ZNF578: variants seen among roughly 807,000 people sequenced by gnomAD.
The protein encoded by ZNF578 is zinc finger protein 578.
In ZNF578, 8 loss-of-function variants were observed where a neutral mutation model predicts 8.3. The ratio of observed to expected loss-of-function variants is 0.96; its 90% CI spans 0.56 to 1.74. The LOEUF (loss-of-function observed/expected upper bound fraction) is 1.74. Among genes scored for constraint, ZNF578 ranks in the 40% most tolerant of loss-of-function variants. The pLI, the probability that ZNF578 is intolerant of heterozygous loss-of-function variation, is 0.00. For synonymous variants in ZNF578, 206 were observed against 232.2 expected (o/e 0.89, Z 1.03); for missense variants, 726 against 707.5 (o/e 1.03, Z -0.30).
At chr19:52,454,378 T>TAA (rs2059232813) in intron 1 of ZNF578, 1 of 152,116 alleles carries the variant, frequency 6.6e-6, no homozygotes, top group Non-Finnish European at 1.5e-5. Context: ...CTGTACCTGG[T>TAA]GTAAGCATCG....
In ZNF578 at chr19:52,483,477, C is replaced by A. The variant is rs142699676; in HGVS notation, c.-121-7847C>A. Among the ~76,000 whole-genome samples, 552 of 152,310 alleles carry A rather than the reference C, an allele frequency of 3.6e-3. 4 individuals are homozygous for A. Among genetic ancestry groups the A allele is most frequent in the African/African-American group, 0.013 (520 of 41,560 alleles). On this transcript the variant is annotated intron_variant, in intron 2 of 5. Coordinates refer to ENST00000421239, the MANE Select transcript of ZNF578 (RefSeq NM_001099694.2). Reference sequence around the variant, plus strand: ...GAGTCCTATTCACGTGTAGTCAACACGCATGACCAAATTCTCTCACAGGCA... The same window carrying A: ...GAGTCCTATTCACGTGTAGTCAACAAGCATGACCAAATTCTCTCACAGGCA...
chr19:52,510,058 T>A (rs972883281), intron 5 of ZNF578, among the ~76,000 whole-genome samples: 5 of 152,078 alleles, frequency 3.3e-5, no homozygotes, highest in African/African-American at 4.8e-5. Flanking sequence ...ATTTTTGTAA[T>A]CTTTTCTTAT....
At chr19:52,462,940 A>G (rs2059263341) in intron 2 of ZNF578, among the ~76,000 whole-genome samples, 1 of 152,122 alleles carries the variant, frequency 6.6e-6, no homozygotes, top group Non-Finnish European at 1.5e-5. Context: ...GTTTTCCTTC[A>G]TGAACATTTA....
chr19:52,492,347 A>G (rs184275240), intron 3 of ZNF578, among the ~76,000 whole-genome samples: 55 of 152,140 alleles, frequency 3.6e-4, no homozygotes, highest in Admixed American at 5.9e-4. Flanking sequence ...GCTGTGTTTA[A>G]GCAGCAGGTG....
At chr19:52,479,370 C>T (rs1027329340) in intron 2 of ZNF578, among the ~76,000 whole-genome samples, 7 of 151,826 alleles carry the variant, frequency 4.6e-5, no homozygotes, top group Non-Finnish European at 7.4e-5. Context: ...CCCATCTCTA[C>T]TAAAAATAGC....
At chr19:52,497,056 C>T (rs112793082) in intron 3 of ZNF578, among the ~76,000 whole-genome samples, 25,426 of 152,066 alleles carry the variant, frequency 0.17, 2,573 homozygotes, top group Non-Finnish European at 0.22. Flanking sequence ...CCTCAGCCTC[C>T]GGAGTAGCTG....
chr19:52,471,116 T>C (rs2122797627), intron 2 of ZNF578, among the ~76,000 whole-genome samples: 1 of 152,306 alleles, frequency 6.6e-6, no homozygotes, highest in East Asian at 1.9e-4. Flanking sequence ...AAGGCCTCCC[T>C]AGAAGTCAGA....
In ZNF578 at chr19:52,510,937, G is replaced by C; in HGVS notation, c.556G>C (p.Asp186His). Residue 186 changes from aspartate (D) to histidine (H), a missense_variant, in exon 6 of 6, where the codon GAT becomes CAT. Coordinates refer to ENST00000421239, the MANE Select transcript of ZNF578 (RefSeq NM_001099694.2). ...TAATCAAGTGGAGAAGTCTGTCAAC[G>C]ATGCTTCCTCAATTTCAACATCCCA... ...IANQVEKSVN[D>H]ASSISTSQRI... 1 of 1,614,188 alleles carries C rather than the reference G, an allele frequency of 6.2e-7. No individual in the cohort carries two copies. Among genetic ancestry groups the C allele is most frequent in the Non-Finnish European group, 8.5e-7 (1 of 1,180,036 alleles).
chr19:52,477,407 C>T (rs1312996641), intron 2 of ZNF578, among the ~76,000 whole-genome samples: 1 of 152,050 alleles, frequency 6.6e-6, no homozygotes, highest in Non-Finnish European at 1.5e-5. Flanking sequence ...GGGTACGATT[C>T]TGATGAAATT....
intron 2 of ZNF578, among the ~76,000 whole-genome samples, chr19:52,461,904 A>T (rs76948691): frequency 6.6e-6 from 1 of 152,188 alleles, no homozygotes; most frequent in African/African-American, 2.4e-5. Flanking sequence ...CTGTACCAAA[A>T]TTGGTCCAAA....
intron 4 of ZNF578, among the ~76,000 whole-genome samples, chr19:52,504,332 C>T (rs540509869): frequency 6.6e-6 from 1 of 151,884 alleles, no homozygotes; most frequent in African/African-American, 2.4e-5. Flanking sequence ...CTCAAATAAT[C>T]TGCCCACCTT....
intron 2 of ZNF578, among the ~76,000 whole-genome samples, chr19:52,470,770 C>G (rs1277509247): frequency 6.6e-6 from 1 of 152,188 alleles, no homozygotes; most frequent in Non-Finnish European, 1.5e-5. Flanking sequence ...CCTTCGGACT[C>G]TGAGGCTTGC....
At chr19:52,509,459 T>C (rs183803818) in intron 5 of ZNF578, among the ~76,000 whole-genome samples, 1 of 152,292 alleles carries the variant, frequency 6.6e-6, no homozygotes, top group Non-Finnish European at 1.5e-5. Context: ...TTTCAGTATG[T>C]GGTATGCAAT....
intron 3 of ZNF578, among the ~76,000 whole-genome samples, chr19:52,492,565 T>G (rs569871581): frequency 1.3e-5 from 2 of 152,290 alleles, no homozygotes; most frequent in African/African-American, 4.8e-5. Flanking sequence ...ACATTTTAGT[T>G]TGCATGCCCG....
At chr19:52,490,002 A>G (rs1347817226) in intron 2 of ZNF578, among the ~76,000 whole-genome samples, 1 of 152,196 alleles carries the variant, frequency 6.6e-6, no homozygotes, top group East Asian at 1.9e-4. Context: ...GAAACATCCT[A>G]TTGGACAATA....
chr19:52,469,379 C>G (rs547827693), intron 2 of ZNF578, among the ~76,000 whole-genome samples: 12 of 152,126 alleles, frequency 7.9e-5, no homozygotes, highest in Admixed American at 5.9e-4. Flanking sequence ...AGGCTGATCT[C>G]GAACTCCCGA....
chr19:52,508,635 A>G (rs60502693), intron 5 of ZNF578, among the ~76,000 whole-genome samples: 2,752 of 151,518 alleles, frequency 0.018, 76 homozygotes, highest in African/African-American at 0.062. Context: ...CATCTCTACT[A>G]AAAATACAAA....
chr19:52,483,862 G>GC (rs1227327156), intron 2 of ZNF578, among the ~76,000 whole-genome samples: 1 of 152,096 alleles, frequency 6.6e-6, no homozygotes, highest in Non-Finnish European at 1.5e-5. Context: ...GGGGTGGCCT[G>GC]CCCCTCCACA....
Position 52,493,926 on chromosome 19 carries a change from G to A in ZNF578, c.-20+2501G>A, listed in dbSNP as rs2059376210. 1.3e-5 allele frequency among the ~76,000 whole-genome samples: 2 copies of A among 149,396 alleles called. 1 individual carries two copies. The highest frequency in any genetic ancestry group is 4.2e-4 in the South Asian group (2 of 4,708). On this transcript the variant is annotated intron_variant, in intron 3 of 5. Coordinates refer to ENST00000421239, the MANE Select transcript of ZNF578 (RefSeq NM_001099694.2). ...AATCGCTTGAACCTGGGAGGCGGAG[G>A]TTGTGGTGAGCCGAGATCTCACCAT...
Sources: gnomAD v4.1 joint callset for allele counts (sites outside exome capture counted in the v4.1 genomes callset) on GRCh38, gnomAD v4.1.1 for gene constraint, MANE v1.5 for transcripts, NCBI Gene and HGNC (gene_info 2026-07-23, HGNC 2026-07-21) for gene names.